LEF1: variants seen among roughly 807,000 people sequenced by gnomAD.
LEF1 encodes lymphoid enhancer-binding factor 1.
Under a neutral mutation model 51.2 loss-of-function variants are expected in LEF1, and 14 were observed. The observed-to-expected ratio is 0.27, with a 90% CI of 0.18 to 0.43. The LOEUF (loss-of-function observed/expected upper bound fraction) is 0.43, where lower values mean the gene tolerates loss of function less well. LEF1 is among the 20% of genes least tolerant of loss of function. The pLI is 1.00. For missense variants in LEF1, 386 were observed against 512.0 expected (o/e 0.75, Z 2.37); for synonymous variants, 185 against 183.2 (o/e 1.01, Z -0.08).
intron 6 of LEF1, among the ~76,000 whole-genome samples, chr4:108,080,245 C>T (rs1437024922): frequency 6.6e-6 from 1 of 152,026 alleles, no homozygotes. Context: ...TACGCTTGAA[C>T]AGCATTAAAA....
Position 108,168,668 on chromosome 4 carries a change from C to G in LEF1, c.-901G>C, listed in dbSNP as rs61399930. 68,400 of 152,196 alleles carry G rather than the reference C, an allele frequency of 0.45. 17,250 individuals carry two copies. Among genetic ancestry groups the G allele is most frequent in the Middle Eastern group, 0.68 (200 of 296 alleles). The allele number at this position is 152,196 out of a possible 1,614,324, so 9.4% of individuals were successfully genotyped here. On this transcript the variant is annotated 5_prime_UTR_variant, in exon 1 of 12. Coordinates refer to ENST00000265165, the MANE Select transcript of LEF1 (RefSeq NM_016269.5). The surrounding 1 kb of genome is among the most constrained non-coding windows in gnomAD (Gnocchi z 4.6). ...CGGAGCTCGAGCCGACACACACACT[C>G]AGTCCGACCCCTCTTTGTTCCCGGC...
At chr4:108,102,365 T>A (rs1340393909) in intron 3 of LEF1, among the ~76,000 whole-genome samples, 1 of 152,180 alleles carries the variant, frequency 6.6e-6, no homozygotes, top group East Asian at 1.9e-4. Flanking sequence ...AACCTACAGA[T>A]GAGACGTGGT....
intron 1 of LEF1, among the ~76,000 whole-genome samples, chr4:108,165,740 G>T (rs190656783): frequency 6.6e-6 from 1 of 152,310 alleles, no homozygotes; most frequent in African/African-American, 2.4e-5. Flanking sequence ...AAAGTAGAAC[G>T]ATTCTGTGGT....
chr4:108,054,794 C>T (rs918218932), intron 11 of LEF1, among the ~76,000 whole-genome samples: 18 of 152,060 alleles, frequency 1.2e-4, no homozygotes, highest in Non-Finnish European at 2.6e-4. Context: ...TTCACAAAAA[C>T]GATATATAGG....
chr4:108,114,012 G>A (rs1321332910), intron 3 of LEF1, among the ~76,000 whole-genome samples: 1 of 152,008 alleles, frequency 6.6e-6, no homozygotes, highest in Non-Finnish European at 1.5e-5. Context: ...TTTAAGGCAA[G>A]TATGTTATAG....
At chr4:108,070,985 A>G (rs929167650) in intron 8 of LEF1, 3 of 458,086 alleles carry the variant, frequency 6.5e-6, no homozygotes, top group Non-Finnish European at 1.2e-5. Flanking sequence ...CTGTTCTCTG[A>G]TATCACATGA....
At chr4:108,158,155 A>G (rs1423322699) in intron 3 of LEF1, among the ~76,000 whole-genome samples, 1 of 152,168 alleles carries the variant, frequency 6.6e-6, no homozygotes, top group Non-Finnish European at 1.5e-5. Flanking sequence ...TTTATAGCAG[A>G]GTCCACAGTT....
intron 3 of LEF1, among the ~76,000 whole-genome samples, chr4:108,160,244 T>C (rs1744981465): frequency 6.6e-6 from 1 of 152,166 alleles, no homozygotes; most frequent in Non-Finnish European, 1.5e-5. Flanking sequence ...AGAGCCAAAC[T>C]AGGGATGTAA....
chr4:108,057,649 G>A (rs562700491), intron 11 of LEF1, among the ~76,000 whole-genome samples: 31 of 152,094 alleles, frequency 2.0e-4, no homozygotes, highest in Non-Finnish European at 3.1e-4. Context: ...CAGGACCCAG[G>A]AGCCCCAAGT....
chr4:108,099,596 AT>A (rs1740662048), intron 3 of LEF1, among the ~76,000 whole-genome samples: 3 of 129,034 alleles, frequency 2.3e-5, no homozygotes, highest in South Asian at 2.6e-4. Flanking sequence ...ATATATATAT[AT>A]ATATATATAT....
intron 8 of LEF1, among the ~76,000 whole-genome samples, chr4:108,076,702 T>C (rs1373990344): frequency 6.6e-6 from 1 of 152,160 alleles, no homozygotes; most frequent in Admixed American, 6.5e-5. Flanking sequence ...ATTCAGCAAT[T>C]ATTACCTAAT....
chr4:108,132,719 G>C (rs1162601930), intron 3 of LEF1, among the ~76,000 whole-genome samples: 2 of 117,812 alleles, frequency 1.7e-5, no homozygotes, highest in East Asian at 5.2e-4. Flanking sequence ...CCAGGCTAGA[G>C]TGCAATGGCA....
At chr4:108,083,992 G>T (rs1739482105) in intron 4 of LEF1, among the ~76,000 whole-genome samples, 2 of 152,116 alleles carry the variant, frequency 1.3e-5, no homozygotes, top group African/African-American at 4.8e-5. Context: ...GATTCATTTG[G>T]TCTCTGTCTA....
intron 9 of LEF1, among the ~76,000 whole-genome samples, chr4:108,066,105 G>A (rs1244788490): frequency 6.6e-6 from 1 of 152,134 alleles, no homozygotes. Flanking sequence ...GTTTCACCAC[G>A]TTGGCCAGGC....
intron 9 of LEF1, among the ~76,000 whole-genome samples, chr4:108,065,963 C>T (rs988300059): frequency 2.0e-5 from 3 of 152,178 alleles, no homozygotes; most frequent in East Asian, 1.9e-4. Context: ...AGTGCAGTGG[C>T]GTGATCTTGG....
intron 3 of LEF1, among the ~76,000 whole-genome samples, chr4:108,161,644 A>C (rs1372786733): frequency 6.6e-6 from 1 of 152,232 alleles, no homozygotes; most frequent in Non-Finnish European, 1.5e-5. Context: ...GCTGGCATAA[A>C]GAGGAAGATC....
In LEF1 at chr4:108,163,675, T is replaced by C; in HGVS notation, c.307A>G (p.Asn103Asp). 1 of 1,613,868 alleles carries C rather than the reference T, an allele frequency of 6.2e-7. No homozygotes were observed. Among genetic ancestry groups the C allele is most frequent in the Admixed American group, 1.7e-5 (1 of 60,020 alleles). The change falls in exon 3 of 12, where the codon AAC becomes GAC. Residue 103 changes from asparagine (N) to aspartate (D), a missense_variant. By Grantham distance (23) the Asn-to-Asp change is conservative. Coordinates refer to ENST00000265165, the MANE Select transcript of LEF1 (RefSeq NM_016269.5). ...DGKHPDGGLY[N>D]KGPSYSSYSG... Reference sequence around the variant, plus strand: ...TAACTCGAGTAGGAGGGTCCCTTGTTGTAGAGGCCTCCATCTGGATGCTTT... The same window carrying C: ...TAACTCGAGTAGGAGGGTCCCTTGTCGTAGAGGCCTCCATCTGGATGCTTT...
intron 8 of LEF1, among the ~76,000 whole-genome samples, chr4:108,071,481 G>A (rs959010323): frequency 1.2e-4 from 19 of 152,262 alleles, no homozygotes; most frequent in African/African-American, 4.3e-4. Flanking sequence ...TAGAATTTGA[G>A]ACTGTAATTT....
At chr4:108,147,348 T>C (rs375589608) in intron 3 of LEF1, among the ~76,000 whole-genome samples, 1 of 152,132 alleles carries the variant, frequency 6.6e-6, no homozygotes, top group South Asian at 2.1e-4. Context: ...AAGATTAAAA[T>C]AACAAATAAG....
Sources: gnomAD v4.1 joint callset for allele counts (sites outside exome capture counted in the v4.1 genomes callset) on GRCh38, gnomAD v4.1.1 for gene constraint, Gnocchi (gnomAD v3.1) non-coding constraint, MANE v1.5 for transcripts, NCBI Gene and HGNC (gene_info 2026-07-23, HGNC 2026-07-21) for gene names.